Variants in EXO1 observed in about 807,000 individuals in gnomAD.
The protein encoded by EXO1 is exonuclease 1.
EXO1 carries 69 observed loss-of-function variants against 84.5 expected under a neutral mutation model. The observed-to-expected ratio is 0.82, with a 90% CI of 0.67 to 1.00. EXO1 has a LOEUF of 1.00. Ranked by LOEUF, EXO1 falls within the 50% of genes least tolerant of loss-of-function variation. The pLI is 0.00. For missense variants in EXO1, 1,045 were observed against 1,000.7 expected, an observed-to-expected ratio of 1.04 and a Z score of -0.60; for synonymous variants, 373 against 366.1, an observed-to-expected ratio of 1.02 and a Z score of -0.21.
chr1:241,861,424 A>T lies in EXO1; in HGVS notation c.963A>T (p.Ile321=). 2 of 1,542,992 alleles carry T rather than the reference A, an allele frequency of 1.3e-6. No homozygotes were observed. Among genetic ancestry groups the T allele is most frequent in the Non-Finnish European group, 1.8e-6 (2 of 1,115,170 alleles). The change falls in exon 10 of 16, where the codon ATA becomes ATT. Residue 321 remains isoleucine, a synonymous_variant. Coordinates refer to ENST00000366548, the MANE Select transcript of EXO1 (RefSeq NM_130398.4). ...SYAGQYVDDS[I]ALQIALGNKD... Reference sequence around the variant, plus strand: ...AATCTAGATATGTTGATGATTCCATAGCTCTTCAAATAGCACTTGGAAATA... The same window carrying T: ...AATCTAGATATGTTGATGATTCCATTGCTCTTCAAATAGCACTTGGAAATA...
chr1:241,872,174 A>G lies in EXO1; in HGVS notation c.1410A>G (p.Lys470=). The change falls in exon 12 of 16, where the codon AAA becomes AAG. Residue 470 remains lysine, a synonymous_variant. Transcript: ENST00000366548. ...ACCTGGTAAATGGACCTACTAACAA[A>G]AAGAGTGTAAGCACTCCACCTAGGA... ...VPDLVNGPTN[K]KSVSTPPRTR... The G allele has an allele frequency of 6.2e-7, 1 of 1,614,084 alleles. No individual in the cohort carries two copies. Among genetic ancestry groups the G allele is most frequent in the Admixed American group, 1.7e-5 (1 of 60,012 alleles).
At chr1:241,860,157 C>A (rs1661295089) in intron 8 of EXO1, among the ~76,000 whole-genome samples, 1 of 152,094 alleles carries the variant, frequency 6.6e-6, no homozygotes, top group Non-Finnish European at 1.5e-5. Context: ...GAAATATTTG[C>A]ATTTTTTTAA....
At position 241,885,300 on chromosome 1, in the gene EXO1, T is replaced by A; in HGVS notation, c.2212-14T>A. On this transcript the variant is annotated splice_polypyrimidine_tract_variant and intron_variant, in intron 14 of 15. Transcript: ENST00000366548. Reference sequence around the variant, plus strand: ...TTTAACAGAATGGTCTTAAAATGGGTGTTTAATCTTCAGGTTCCTGGGCTA... The same window carrying A: ...TTTAACAGAATGGTCTTAAAATGGGAGTTTAATCTTCAGGTTCCTGGGCTA... The A allele has an allele frequency of 1.2e-6, 2 of 1,600,916 alleles. No homozygotes were observed. The highest frequency in any genetic ancestry group is 1.7e-6 in the Non-Finnish European group (2 of 1,168,732).
chr1:241,883,660 G>C (rs1385255945), intron 14 of EXO1, among the ~76,000 whole-genome samples: 2 of 152,120 alleles, frequency 1.3e-5, no homozygotes, highest in African/African-American at 4.8e-5. Flanking sequence ...TGAGCAAGAA[G>C]TTTTTTGCAA....
chr1:241,885,851 GTT>G (rs953418298), intron 15 of EXO1, among the ~76,000 whole-genome samples: 2 of 99,820 alleles, frequency 2.0e-5, no homozygotes, highest in African/African-American at 8.4e-5. Flanking sequence ...TTTGTTTTTT[GTT>G]TTTTGTTTTT....
intron 6 of EXO1, among the ~76,000 whole-genome samples, chr1:241,854,050 T>C (rs925938249): frequency 1.3e-5 from 2 of 152,178 alleles, no homozygotes; most frequent in African/African-American, 4.8e-5. Context: ...TCCTTATTCC[T>C]GTAAATCTTA....
intron 12 of EXO1, among the ~76,000 whole-genome samples, chr1:241,878,458 C>T (rs375324942): frequency 6.1e-4 from 91 of 148,842 alleles, no homozygotes; most frequent in African/African-American, 2.1e-3. Flanking sequence ...GATCCCGCCA[C>T]TGCACTCCAG....
In EXO1 at chr1:241,860,286, G is replaced by A. The variant is rs999209113; in HGVS notation, c.757-231G>A. Among the ~76,000 whole-genome samples, 3 of 83,982 alleles carry A rather than the reference G, an allele frequency of 3.6e-5. No individual in the cohort carries two copies. In the East Asian group the frequency reaches 1.6e-3, roughly 46 times the overall value. 55.1% of individuals were successfully genotyped at this position (83,982 alleles called of 152,430 possible). ...CACAAACTTGATGTACTATATAACT[G>A]TATTTTTTTATCCTTCAAATTAGTA... On this transcript the variant is annotated intron_variant, in intron 8 of 15. Transcript: ENST00000366548.
chr1:241,876,468 G>A (rs3819360), intron 12 of EXO1, among the ~76,000 whole-genome samples: 11,816 of 151,948 alleles, frequency 0.078, 728 homozygotes, highest in Admixed American at 0.2. Context: ...TGTAATCCCA[G>A]CTTCTCGGGG....
In EXO1 at chr1:241,853,437, C is replaced by T. The variant is rs374873745; in HGVS notation, c.361C>T (p.Arg121Trp). 116 of 1,613,774 alleles carry T rather than the reference C, an allele frequency of 7.2e-5. No individual in the cohort carries two copies. Among genetic ancestry groups the T allele is most frequent in the Middle Eastern group, 1.6e-4 (1 of 6,084 alleles). The part of the protein sequence containing the change: ...KVSEARECFT[R>W]SINITHAMAH... ...CTCGGAAGCTCGAGAGTGTTTCACCCGGTCTATCAATATCACACATGCCAT... is the reference window on the plus strand; with the variant it reads ...CTCGGAAGCTCGAGAGTGTTTCACCTGGTCTATCAATATCACACATGCCAT... Residue 121 changes from arginine (R) to tryptophan (W), a missense_variant, in exon 6 of 16, where the codon CGG becomes TGG. Physicochemically the swap from Arg to Trp is moderately radical, Grantham distance 101 (BLOSUM62 -3). Coordinates refer to ENST00000366548, the MANE Select transcript of EXO1 (RefSeq NM_130398.4).
intron 10 of EXO1, among the ~76,000 whole-genome samples, chr1:241,864,676 T>C (rs1661605701): frequency 6.6e-6 from 1 of 152,214 alleles, no homozygotes; most frequent in African/African-American, 2.4e-5. Context: ...TGATATTCTC[T>C]TCTGCAGACA....
chr1:241,848,284 G>A lies in EXO1; in HGVS notation c.-489G>A, dbSNP rs1470578801. 1 of 152,498 alleles carries A rather than the reference G, an allele frequency of 6.6e-6. No individual in the cohort carries two copies. The highest frequency in any genetic ancestry group is 1.5e-5 in the Non-Finnish European group (1 of 68,274). 9.4% of individuals were successfully genotyped at this position (152,498 alleles called of 1,614,324 possible). A position where few individuals can be genotyped will look rare whatever the true frequency, so the allele number is the denominator to read the frequency against. On this transcript the variant is annotated 5_prime_UTR_variant, in exon 1 of 16. Coordinates refer to ENST00000366548, the MANE Select transcript of EXO1 (RefSeq NM_130398.4). This position sits in a 1 kb window ranked among gnomAD's most constrained non-coding sequence, Gnocchi z 4.2. ...GTGCTCTGGCCACAGTGAGTTAGGG[G>A]CGTCGGAGCGGGTTTCTCCAACCGC...
Position 241,885,459 on chromosome 1 carries a change from G to A in EXO1, c.2357G>A (p.Gly786Glu), listed in dbSNP as rs1348272381. Residue 786 changes from glycine (G) to glutamate (E), a missense_variant, in exon 15 of 16, where the codon GGG becomes GAG. By Grantham distance (98) the Gly-to-Glu change is moderately conservative. Coordinates refer to ENST00000366548, the MANE Select transcript of EXO1 (RefSeq NM_130398.4). ...RKHHNAENKP[G>E]LQIKLNELWK... ...CATCATAATGCCGAGAACAAGCCGGGGTTACAGATCAAACTCAATGAGCTC... is the reference window on the plus strand; with the variant it reads ...CATCATAATGCCGAGAACAAGCCGGAGTTACAGATCAAACTCAATGAGCTC... 2.5e-6 allele frequency: 4 copies of A among 1,613,714 alleles called. No homozygotes were observed. Among genetic ancestry groups the A allele is most frequent in the Admixed American group, 1.7e-5 (1 of 59,982 alleles).
intron 10 of EXO1, among the ~76,000 whole-genome samples, chr1:241,863,963 T>C (rs546611814): frequency 9.9e-5 from 15 of 152,198 alleles, no homozygotes; most frequent in Non-Finnish European, 2.1e-4. Flanking sequence ...TCTTTAATTG[T>C]ACTTTTTTTT....
intron 8 of EXO1, among the ~76,000 whole-genome samples, chr1:241,860,288 A>AT (rs11372892): frequency 0.65 from 99,139 of 151,924 alleles, 33,310 homozygotes; most frequent in African/African-American, 0.8. Flanking sequence ...ATATAACTGT[A>AT]TTTTTTTATC....
intron 14 of EXO1, among the ~76,000 whole-genome samples, chr1:241,883,227 T>C (rs1213228436): frequency 6.6e-6 from 1 of 152,218 alleles, no homozygotes; most frequent in Non-Finnish European, 1.5e-5. Flanking sequence ...AGATGTAGTC[T>C]CACACAATAT....
intron 14 of EXO1, among the ~76,000 whole-genome samples, chr1:241,883,062 T>G (rs1558146897): frequency 6.6e-6 from 1 of 152,228 alleles, no homozygotes. Context: ...AAATAATCAT[T>G]GGTTTTAGCT....
Position 241,860,536 on chromosome 1 carries a change from A to G in EXO1, c.776A>G (p.His259Arg), listed in dbSNP as rs781383854. The change falls in exon 9 of 16, where the codon CAT (histidine) becomes CGT (arginine). Residue 259 changes from histidine to arginine, a missense_variant. Coordinates refer to ENST00000366548, the MANE Select transcript of EXO1 (RefSeq NM_130398.4). ...TGTTAGGTTATCAAGAAAATTGGAC[A>G]TTATCTCAAGATGAATATCACGGTA... ...DIVKVIKKIG[H>R]YLKMNITVPE... The G allele has an allele frequency of 1.2e-6, 2 of 1,613,888 alleles. No individual in the cohort carries two copies. Among genetic ancestry groups the G allele is most frequent in the South Asian group, 2.2e-5 (2 of 91,080 alleles).
At chr1:241,865,635 C>A (rs1661668958) in intron 10 of EXO1, among the ~76,000 whole-genome samples, 1 of 146,126 alleles carries the variant, frequency 6.8e-6, no homozygotes, top group Non-Finnish European at 1.5e-5. Context: ...GGCCATCCTT[C>A]ATCAGCTCAA....
Sources: allele counts gnomAD v4.1 joint callset (sites outside exome capture counted in the v4.1 genomes callset), GRCh38; gene constraint gnomAD v4.1.1; non-coding constraint Gnocchi (gnomAD v3.1); transcripts MANE v1.5; gene names NCBI Gene and HGNC (gene_info 2026-07-23, HGNC 2026-07-21).